Variants in CSGALNACT1 observed in about 807,000 individuals in gnomAD.
CSGALNACT1 encodes beta4GalNAcT-1.
In CSGALNACT1, 52 loss-of-function variants were observed where a neutral mutation model predicts 51.0. The ratio of observed to expected loss-of-function variants is 1.02; its 90% CI spans 0.82 to 1.29. CSGALNACT1 has a LOEUF of 1.29. Ranked by LOEUF, CSGALNACT1 falls within the 50% of genes most tolerant of loss-of-function variation. CSGALNACT1 has a pLI of 0.00. For synonymous variants in CSGALNACT1, 341 were observed against 254.4 expected, an observed-to-expected ratio of 1.34 and a Z score of -3.24; for missense variants, 935 against 679.2, an observed-to-expected ratio of 1.38 and a Z score of -4.19.
rs1007751750 is a variant in CSGALNACT1 at position 19,500,112 on chromosome 8, G to A, written c.634+5089C>T. 7.9e-5 allele frequency among the ~76,000 whole-genome samples: 12 copies of A among 152,302 alleles called. No homozygotes were observed. The East Asian group carries it at 2.3e-3, about 29-fold the overall frequency. On this transcript the variant is annotated intron_variant, in intron 4 of 9. Coordinates refer to ENST00000454498, the Ensembl canonical transcript of CSGALNACT1. ...AAGCAGTAAAAGGATAGAGGGGCCTGGTGAGAGAGGAACCTTCTATCACAC... is the reference window on the plus strand; with the variant it reads ...AAGCAGTAAAAGGATAGAGGGGCCTAGTGAGAGAGGAACCTTCTATCACAC...
intron 6 of CSGALNACT1, among the ~76,000 whole-genome samples, chr8:19,424,453 T>C (rs1292174783): frequency 6.6e-6 from 1 of 152,056 alleles, no homozygotes; most frequent in Non-Finnish European, 1.5e-5. Context: ...CCTCTGATAA[T>C]TACCAAGACC....
intron 4 of CSGALNACT1, among the ~76,000 whole-genome samples, chr8:19,500,247 G>A (rs2076188796): frequency 6.6e-6 from 1 of 152,058 alleles, no homozygotes; most frequent in African/African-American, 2.4e-5. Context: ...TGGGGATTCT[G>A]GCTCAGAGTT....
intron 3 of CSGALNACT1, among the ~76,000 whole-genome samples, chr8:19,569,588 C>G (rs561269145): frequency 6.6e-6 from 1 of 151,996 alleles, no homozygotes; most frequent in Admixed American, 6.6e-5. Context: ...GTTGACAATA[C>G]CAAATGCTTT....
At chr8:19,480,121 C>A (rs1433916291) in intron 4 of CSGALNACT1, among the ~76,000 whole-genome samples, 1 of 151,932 alleles carries the variant, frequency 6.6e-6, no homozygotes, top group Non-Finnish European at 1.5e-5. Context: ...TTATTTTTTG[C>A]TTTTATTTGA....
chr8:19,445,892 A>C (rs1391127994), intron 5 of CSGALNACT1, among the ~76,000 whole-genome samples: 2 of 152,292 alleles, frequency 1.3e-5, no homozygotes, highest in African/African-American at 4.8e-5. Flanking sequence ...AAAGTAAAGT[A>C]AGCTGGGCGT....
exon 10 of CSGALNACT1, chr8:19,404,222 TTTAA>T (rs2053718307): frequency 1.0e-5 from 4 of 401,856 alleles, no homozygotes; most frequent in South Asian, 5.5e-5. Flanking sequence ...TGGCCTGTGT[TTTAA>T]TTAAATTTCA....
chr8:19,553,293 C>A (rs937525525), intron 3 of CSGALNACT1, among the ~76,000 whole-genome samples: 1 of 151,934 alleles, frequency 6.6e-6, no homozygotes, highest in African/African-American at 2.4e-5. Flanking sequence ...TTGAAAAAAA[C>A]CTTCTGTTTA....
intron 3 of CSGALNACT1, among the ~76,000 whole-genome samples, chr8:19,511,577 C>T (rs2078472857): frequency 6.6e-6 from 1 of 152,182 alleles, no homozygotes; most frequent in South Asian, 2.1e-4. Flanking sequence ...CCCTCTACCC[C>T]AGTTGAATTC....
At chr8:19,746,851 T>A (rs1219854708) in intron 1 of CSGALNACT1, among the ~76,000 whole-genome samples, 2 of 152,206 alleles carry the variant, frequency 1.3e-5, no homozygotes, top group Non-Finnish European at 2.9e-5. Flanking sequence ...CCATTCATTC[T>A]CTGACCTTCT....
chr8:19,754,870 C>T (rs1219622832), intron 1 of CSGALNACT1, among the ~76,000 whole-genome samples: 3 of 152,308 alleles, frequency 2.0e-5, no homozygotes, highest in East Asian at 3.9e-4. Context: ...TATAAGACTG[C>T]TTCATCATGA....
chr8:19,712,177 C>T (rs986976694), intron 1 of CSGALNACT1, among the ~76,000 whole-genome samples: 3 of 152,132 alleles, frequency 2.0e-5, no homozygotes, highest in African/African-American at 4.8e-5. Context: ...AGGTTCGCGC[C>T]GCCACGCCCG....
intron 1 of CSGALNACT1, among the ~76,000 whole-genome samples, chr8:19,644,400 C>A (rs555330551): frequency 6.8e-6 from 1 of 146,252 alleles, no homozygotes; most frequent in East Asian, 1.9e-4. Context: ...AGTTCTTAAC[C>A]TCTCAAAAAA....
At chr8:19,450,972 C>G (rs1395892463) in intron 5 of CSGALNACT1, among the ~76,000 whole-genome samples, 1 of 152,028 alleles carries the variant, frequency 6.6e-6, no homozygotes, top group East Asian at 1.9e-4. Context: ...ATACATAGCC[C>G]TACAGCACCA....
At chr8:19,545,052 A>C (rs1354700740) in intron 3 of CSGALNACT1, among the ~76,000 whole-genome samples, 1 of 152,020 alleles carries the variant, frequency 6.6e-6, no homozygotes. Flanking sequence ...ATAAATCACG[A>C]CGACACAGCG....
chr8:19,641,086 G>C (rs2056681474), intron 1 of CSGALNACT1, among the ~76,000 whole-genome samples: 1 of 149,898 alleles, frequency 6.7e-6, no homozygotes, highest in African/African-American at 2.5e-5. Context: ...AAGTCTCCCA[G>C]GGATGCGGAA....
chr8:19,497,503 G>T (rs911017875), intron 4 of CSGALNACT1, among the ~76,000 whole-genome samples: 17 of 152,094 alleles, frequency 1.1e-4, no homozygotes, highest in African/African-American at 4.1e-4. Context: ...CCAGACTCAG[G>T]TATGATACAG....
chr8:19,460,434 G>A (rs1016055581), intron 4 of CSGALNACT1, among the ~76,000 whole-genome samples: 8 of 152,146 alleles, frequency 5.3e-5, no homozygotes, highest in Non-Finnish European at 8.8e-5. Context: ...AATAGCTAGG[G>A]TTCAGAACTC....
At position 19,623,718 on chromosome 8, in the gene CSGALNACT1, A is replaced by G. The variant is rs561774079; in HGVS notation, c.-543-21853T>C. Among the ~76,000 whole-genome samples, 32 of 152,376 alleles carry G rather than the reference A, an allele frequency of 2.1e-4. 2 individuals are homozygous for G. The South Asian group carries it at 6.2e-3, about 30-fold the overall frequency. Reference sequence around the variant, plus strand: ...TCCCCAGGTGTTTGGATATTAACCAATAAACTTTTAAAGAATTCATGAATC... The same window carrying G: ...TCCCCAGGTGTTTGGATATTAACCAGTAAACTTTTAAAGAATTCATGAATC... On this transcript the variant is annotated intron_variant, in intron 1 of 9. Coordinates refer to the CSGALNACT1 transcript ENST00000332246.
intron 3 of CSGALNACT1, among the ~76,000 whole-genome samples, chr8:19,535,020 AAGAC>A (rs1210364984): frequency 6.6e-6 from 1 of 152,242 alleles, no homozygotes; most frequent in African/African-American, 2.4e-5. Flanking sequence ...AGTAAATAAA[AAGAC>A]AGAGTTAGCA....
Sources: gnomAD v4.1 joint callset for allele counts (sites outside exome capture counted in the v4.1 genomes callset) on GRCh38, gnomAD v4.1.1 for gene constraint, MANE v1.5 for transcripts, NCBI Gene and HGNC (gene_info 2026-07-23, HGNC 2026-07-21) for gene names.